Variants in MTFR2 observed in about 807,000 individuals in gnomAD.
The protein encoded by MTFR2 is DUF729 domain-containing protein 1.
Under a neutral mutation model 41.2 loss-of-function variants are expected in MTFR2, and 44 were observed. The ratio of observed to expected loss-of-function variants is 1.07; its 90% CI spans 0.84 to 1.37. The LOEUF is 1.37. Among genes scored for constraint, MTFR2 ranks in the 40% most tolerant of loss-of-function variants. The pLI, the probability that MTFR2 is intolerant of heterozygous loss-of-function variation, is 0.00. For missense variants in MTFR2, 452 were observed against 459.5 expected, an observed-to-expected ratio of 0.98 and a Z score of 0.15; for synonymous variants, 141 against 154.6, an observed-to-expected ratio of 0.91 and a Z score of 0.65.
chr6:136,239,642 T>C lies in MTFR2; in HGVS notation c.693A>G (p.Pro231=). The change falls in exon 6 of 8, where the codon CCA becomes CCG. Residue 231 remains proline (P), a synonymous_variant. Transcript: ENST00000420702. ...LQPPCFPPVQ[P]GSNNICDSDN... is the part of the protein sequence containing the mutation. Reference sequence around the variant, plus strand: ...CTGAGTCACAAATATTATTAGATCCTGGTTGTACGGGAGGAAAACACGGTG... The same window carrying C: ...CTGAGTCACAAATATTATTAGATCCCGGTTGTACGGGAGGAAAACACGGTG... 1 of 1,614,026 alleles carries C rather than the reference T, an allele frequency of 6.2e-7. No homozygotes were observed. The highest frequency in any genetic ancestry group is 8.5e-7 in the Non-Finnish European group (1 of 1,180,022).
At chr6:136,235,157 T>C (rs1043009676) in intron 6 of MTFR2, among the ~76,000 whole-genome samples, 3 of 151,082 alleles carry the variant, frequency 2.0e-5, no homozygotes, top group African/African-American at 7.4e-5. Flanking sequence ...CTCAAAGTGC[T>C]GTGTTTACTG....
In MTFR2 at chr6:136,239,500, C is replaced by G; in HGVS notation, c.835G>C (p.Asp279His). The G allele has an allele frequency of 6.2e-7, 1 of 1,613,768 alleles. No individual in the cohort carries two copies. The highest frequency in any genetic ancestry group is 8.5e-7 in the Non-Finnish European group (1 of 1,179,780). ...DIPNMLDVLK[D>H]MNKVKLRAIE... ...GCACGAAGCTTAACCTTATTCATAT[C>G]CTTTAGAACGTCCAACATGTTTGGA... The change falls in exon 6 of 8, where the codon GAT (aspartate) becomes CAT (histidine). Residue 279 changes from aspartate to histidine, a missense_variant. Transcript: ENST00000420702.
At chr6:136,249,308 C>T (rs576886717) in intron 1 of MTFR2, among the ~76,000 whole-genome samples, 155 bp from the exon 2 acceptor site, 1 of 152,138 alleles carries the variant, frequency 6.6e-6, no homozygotes, top group Non-Finnish European at 1.5e-5. Context: ...AAGGGGAAGT[C>T]TGGGGGAAAG....
intron 3 of MTFR2, among the ~76,000 whole-genome samples, chr6:136,243,981 A>C (rs1430651536): frequency 6.6e-6 from 1 of 152,080 alleles, no homozygotes; most frequent in African/African-American, 2.4e-5. Flanking sequence ...TTTTTAAATC[A>C]TAAAAAGCTT....
chr6:136,238,315 G>A (rs1337442004), intron 6 of MTFR2, among the ~76,000 whole-genome samples: 1 of 152,166 alleles, frequency 6.6e-6, no homozygotes, highest in Non-Finnish European at 1.5e-5. Flanking sequence ...GGCATCTAAA[G>A]TAATCAAACT....
In MTFR2 at chr6:136,242,887, A is replaced by T. The variant is rs754407639; in HGVS notation, c.255T>A (p.Asp85Glu). 1 of 1,612,998 alleles carries T rather than the reference A, an allele frequency of 6.2e-7. No homozygotes were observed. Residue 85 changes from aspartate (D) to glutamate (E), a missense_variant, in exon 4 of 8, where the codon GAT becomes GAA. Transcript: ENST00000420702. Reference sequence around the variant, plus strand: ...GAAATCTGAGATAACTGGCTTCTTCATCATTTGCCACATACAAAATATCAG... The same window carrying T: ...GAAATCTGAGATAACTGGCTTCTTCTTCATTTGCCACATACAAAATATCAG... The part of the protein sequence containing the change: ...SFADILYVAN[D>E]EEASYLRFRN...
intron 2 of MTFR2, chr6:136,247,466 C>T (rs1478851335): frequency 2.2e-6 from 1 of 455,194 alleles, no homozygotes; most frequent in Admixed American, 2.4e-5. Flanking sequence ...ACTACCTTCT[C>T]AAAGGCGGTG....
chr6:136,240,811 G>A (rs950851397), intron 5 of MTFR2, among the ~76,000 whole-genome samples: 9 of 152,138 alleles, frequency 5.9e-5, no homozygotes, highest in Non-Finnish European at 8.8e-5. Flanking sequence ...CTTACTGAGG[G>A]CCGGGCGCGG....
intron 3 of MTFR2, 59 bp from the exon 4 acceptor site, chr6:136,243,032 T>C (rs1202311381): frequency 1.9e-6 from 2 of 1,070,194 alleles, no homozygotes; most frequent in Non-Finnish European, 2.7e-6. Flanking sequence ...AGAAGACACA[T>C]GCCCCATGGT....
chr6:136,244,916 T>C (rs774989921), intron 2 of MTFR2, 47 bp from the exon 3 acceptor site: 80 of 1,362,960 alleles, frequency 5.9e-5, no homozygotes, highest in Non-Finnish European at 7.7e-5. Flanking sequence ...TGATTAAGCA[T>C]ATTTATATAA....
rs771003079 is a variant in MTFR2, at chr6:136,249,025, AACG to A, written c.63+9_63+11del. ...ATACAACAGATCCATTCCAATCCAAAACGACATTTACCTGTTCTACAGGAACGC... is the reference window on the plus strand; with the variant it reads ...ATACAACAGATCCATTCCAATCCAAAACATTTACCTGTTCTACAGGAACGC... On this transcript the variant is annotated intron_variant, in intron 2 of 7. Coordinates refer to ENST00000420702, the MANE Select transcript of MTFR2 (RefSeq NM_001099286.3). The A allele has an allele frequency of 1.9e-6, 3 of 1,597,784 alleles. No homozygotes were observed. The highest frequency in any genetic ancestry group is 1.1e-5 in the South Asian group (1 of 87,818).
Position 136,244,802 on chromosome 6 carries a change from A to AT in MTFR2, c.130dup (p.Met44AsnfsTer11). The AT allele has an allele frequency of 6.2e-7, 1 of 1,612,808 alleles. No homozygotes were observed. Among genetic ancestry groups the AT allele is most frequent in the Non-Finnish European group, 8.5e-7 (1 of 1,179,584 alleles). ...TCTTCGACAAGGTTCCAGTGGAAGC[A>AT]TTTTCCCAATAATACGAACAATACT... On this transcript the variant is annotated frameshift_variant, in exon 3 of 8. Coordinates refer to ENST00000420702, the MANE Select transcript of MTFR2 (RefSeq NM_001099286.3). LOFTEE classifies it high-confidence loss of function.
At chr6:136,241,336 G>A in intron 5 of MTFR2, 108 bp downstream of exon 5, 1 of 794,348 alleles carries the variant, frequency 1.3e-6, no homozygotes, top group Non-Finnish European at 2.0e-6. Flanking sequence ...AGATGTTCCT[G>A]TATGCTACTA....
intron 7 of MTFR2, 120 bp downstream of exon 7, chr6:136,233,205 A>G: frequency 2.7e-6 from 2 of 747,506 alleles, no homozygotes; most frequent in South Asian, 2.6e-5. Flanking sequence ...AGCAGCATCA[A>G]TAAACAATTA....
At chr6:136,243,695 C>A (rs1054427674) in intron 3 of MTFR2, among the ~76,000 whole-genome samples, 1 of 146,492 alleles carries the variant, frequency 6.8e-6, no homozygotes, top group Admixed American at 6.8e-5. Context: ...TCAGCCTGGG[C>A]GACAGCAAGA....
chr6:136,234,149 T>C (rs763978868), intron 6 of MTFR2, among the ~76,000 whole-genome samples: 1 of 151,534 alleles, frequency 6.6e-6, no homozygotes, highest in Non-Finnish European at 1.5e-5. Context: ...TTGGGTAACA[T>C]AGCGAGACCC....
intron 2 of MTFR2, 106 bp downstream of exon 2, chr6:136,248,928 AAAG>A: frequency 1.1e-6 from 1 of 927,360 alleles, no homozygotes; most frequent in South Asian, 1.6e-5. Context: ...TTCCAACTAA[AAAG>A]AAGCAACAAC....
intron 2 of MTFR2, 101 bp downstream of exon 2, chr6:136,248,936 A>G: frequency 9.7e-7 from 1 of 1,027,946 alleles, no homozygotes; most frequent in Non-Finnish European, 1.4e-6. Flanking sequence ...AAAAAGAAGC[A>G]ACAACTTTGC....
chr6:136,240,820 G>A (rs565459244), intron 5 of MTFR2, among the ~76,000 whole-genome samples: 176 of 152,254 alleles, frequency 1.2e-3, no homozygotes, highest in East Asian at 2.7e-3. Flanking sequence ...GGCCGGGCGC[G>A]GTGGCTCACG....
Sources: allele counts gnomAD v4.1 joint callset (sites outside exome capture counted in the v4.1 genomes callset), GRCh38; gene constraint gnomAD v4.1.1; transcripts MANE v1.5; gene names NCBI Gene and HGNC (gene_info 2026-07-23, HGNC 2026-07-21).